ENAH: variants seen among roughly 807,000 people sequenced by gnomAD.
ENAH encodes ENAH actin regulator, also known as protein enabled homolog.
In ENAH, 23 loss-of-function variants were observed where a neutral mutation model predicts 78.7. The ratio of observed to expected loss-of-function variants is 0.29; its 90% CI spans 0.21 to 0.41. ENAH has a LOEUF of 0.41. ENAH is among the 10% of genes least tolerant of loss of function. The pLI is 1.00. For synonymous variants in ENAH, 226 were observed against 241.0 expected (o/e 0.94, Z 0.58); for missense variants, 544 against 691.0 (o/e 0.79, Z 2.39).
rs1166095030 is a variant in ENAH, at chr1:225,519,538, C to T, written c.462G>A (p.Lys154=). The T allele has an allele frequency of 1.2e-6, 2 of 1,611,432 alleles. No individual in the cohort carries two copies. Among genetic ancestry groups the T allele is most frequent in the Non-Finnish European group, 1.7e-6 (2 of 1,179,552 alleles). The stretch of plus-strand genomic sequence containing the variant: ...GCTCCAGCCTTTCCCGCTCCAGCTC[C>T]TTTTGCCGTTGCTGTTCTTGTAGTT... ...RRQLQEQQRQ[K]ELERERLERE... Residue 154 remains lysine, a synonymous_variant, in exon 5 of 14, where the codon AAG becomes AAA. Transcript: ENST00000366843.
chr1:225,522,225 C>T (rs571602979), intron 4 of ENAH, among the ~76,000 whole-genome samples: 62 of 152,294 alleles, frequency 4.1e-4, no homozygotes, highest in African/African-American at 1.2e-3. Flanking sequence ...TCCAGCGGTA[C>T]CAACACACCA....
rs543913091 is a variant in ENAH at position 225,652,871 on chromosome 1, G to C, written c.-181C>G. On this transcript the variant is annotated 5_prime_UTR_variant, in exon 1 of 14. Transcript: ENST00000366843. ...CGCACAAAGCCGAGGCGCCGGCCGG[G>C]AGTGTGGGAGAAGAGGGCGAGAGAA... The C allele has an allele frequency of 2.4e-6, 1 of 415,722 alleles. No homozygotes were observed. The highest frequency in any genetic ancestry group is 4.1e-6 in the Non-Finnish European group (1 of 242,352). The allele number at this position is 415,722 out of a possible 1,614,324, so 25.8% of individuals were successfully genotyped here.
chr1:225,538,047 G>A lies in ENAH; in HGVS notation c.350-7409C>T, dbSNP rs572105630. Reference sequence around the variant, plus strand: ...GACCCATCTCAGCATTGTTTCTTACGATTAAATGAGATGTTTGCTTAAAGA... The same window carrying A: ...GACCCATCTCAGCATTGTTTCTTACAATTAAATGAGATGTTTGCTTAAAGA... On this transcript the variant is annotated intron_variant, in intron 3 of 13. Transcript: ENST00000366843. 1.4e-4 allele frequency among the ~76,000 whole-genome samples: 21 copies of A among 152,174 alleles called. No individual in the cohort carries two copies. The South Asian group carries it at 2.5e-3, about 18-fold the overall frequency.
chr1:225,533,195 C>A (rs2151277214), intron 3 of ENAH, among the ~76,000 whole-genome samples: 1 of 152,166 alleles, frequency 6.6e-6, no homozygotes, highest in South Asian at 2.1e-4. Context: ...ATTTAAGGTA[C>A]ACAATTACAT....
At chr1:225,606,720 G>A (rs1327959198) in intron 1 of ENAH, among the ~76,000 whole-genome samples, 1 of 151,392 alleles carries the variant, frequency 6.6e-6, no homozygotes, top group Non-Finnish European at 1.5e-5. Flanking sequence ...GAGTGCACCT[G>A]TAGTCCCAGC....
intron 4 of ENAH, among the ~76,000 whole-genome samples, chr1:225,519,857 A>G (rs139453434): frequency 7.2e-5 from 11 of 152,384 alleles, no homozygotes; most frequent in African/African-American, 2.6e-4. Context: ...TTTTCCAAAT[A>G]ACATACCACT....
At position 225,519,577 on chromosome 1, in the gene ENAH, A is replaced by G; in HGVS notation, c.435-12T>C. 6.3e-7 allele frequency: 1 copy of G among 1,584,120 alleles called. No individual in the cohort carries two copies. Among genetic ancestry groups the G allele is most frequent in the Non-Finnish European group, 8.5e-7 (1 of 1,172,476 alleles). On this transcript the variant is annotated splice_polypyrimidine_tract_variant and intron_variant, in intron 4 of 13. Coordinates refer to ENST00000366843, the MANE Select transcript of ENAH (RefSeq NM_018212.6). ...GTTCTTGTAGTTGTCTGGAAAAAAA[A>G]AAAAAAAAGTAAAAACATGCATCTA...
At chr1:225,539,069 A>G (rs2096576472) in intron 3 of ENAH, among the ~76,000 whole-genome samples, 1 of 152,208 alleles carries the variant, frequency 6.6e-6, no homozygotes, top group Non-Finnish European at 1.5e-5. Context: ...CTTTAACACA[A>G]TTAGCATCTA....
chr1:225,575,520 G>C (rs1034360054), intron 1 of ENAH, among the ~76,000 whole-genome samples: 18 of 152,130 alleles, frequency 1.2e-4, no homozygotes, highest in African/African-American at 3.6e-4. Context: ...ATGTGTGCCA[G>C]ACATTATTCT....
chr1:225,591,023 T>C (rs891796279), intron 1 of ENAH, among the ~76,000 whole-genome samples: 1 of 152,246 alleles, frequency 6.6e-6, no homozygotes, highest in Non-Finnish European at 1.5e-5. Context: ...AGGTGAACTA[T>C]TAAAGACAGC....
chr1:225,649,308 C>T (rs901354341), intron 1 of ENAH, among the ~76,000 whole-genome samples: 1 of 151,858 alleles, frequency 6.6e-6, no homozygotes, highest in African/African-American at 2.4e-5. Context: ...TAATACGGAT[C>T]CAAGAATGTA....
intron 1 of ENAH, among the ~76,000 whole-genome samples, chr1:225,638,985 G>T (rs1417096453): frequency 6.6e-6 from 1 of 152,156 alleles, no homozygotes; most frequent in African/African-American, 2.4e-5. Context: ...TCCCAAAGCA[G>T]CATTAGCCTC....
intron 1 of ENAH, among the ~76,000 whole-genome samples, chr1:225,591,453 A>G (rs1432297521): frequency 1.5e-5 from 2 of 132,726 alleles, no homozygotes; most frequent in Non-Finnish European, 3.2e-5. Flanking sequence ...GGGCGACAAG[A>G]GCGAAACTAC....
chr1:225,517,662 C>T (rs947859693), intron 5 of ENAH: 10 of 1,550,564 alleles, frequency 6.4e-6, no homozygotes, highest in African/African-American at 1.4e-5. Context: ...CACAGGGCTT[C>T]GTAGCTGGAG....
intron 11 of ENAH, among the ~76,000 whole-genome samples, chr1:225,505,927 A>G (rs1387641238): frequency 2.0e-5 from 3 of 152,188 alleles, no homozygotes; most frequent in Non-Finnish European, 4.4e-5. Context: ...CAACTCATCT[A>G]TATAAAATTA....
intron 11 of ENAH, among the ~76,000 whole-genome samples, chr1:225,502,400 C>T (rs1241665095): frequency 6.6e-6 from 1 of 152,064 alleles, no homozygotes; most frequent in Non-Finnish European, 1.5e-5. Flanking sequence ...TGAGTAGAGA[C>T]GGGGTTTCAC....
intron 2 of ENAH, among the ~76,000 whole-genome samples, chr1:225,564,928 T>C (rs749828436): frequency 3.9e-5 from 6 of 152,102 alleles, no homozygotes; most frequent in Non-Finnish European, 7.3e-5. Flanking sequence ...CAGGTTTCTA[T>C]ATGTAATATC....
chr1:225,612,542 G>A (rs1050850839), intron 1 of ENAH, among the ~76,000 whole-genome samples: 6 of 152,142 alleles, frequency 3.9e-5, no homozygotes, highest in African/African-American at 1.4e-4. Flanking sequence ...TTTATTTAAT[G>A]CCACAGAATT....
intron 1 of ENAH, among the ~76,000 whole-genome samples, chr1:225,585,466 T>G (rs1368999962): frequency 3.3e-5 from 5 of 151,856 alleles, no homozygotes; most frequent in Non-Finnish European, 7.4e-5. Context: ...ATCACCAAGA[T>G]AGATGATATG....
Sources: gnomAD v4.1 joint callset for allele counts (sites outside exome capture counted in the v4.1 genomes callset) on GRCh38, gnomAD v4.1.1 for gene constraint, MANE v1.5 for transcripts, NCBI Gene and HGNC (gene_info 2026-07-23, HGNC 2026-07-21) for gene names.